Variants in GSTCD observed in about 807,000 individuals in gnomAD.
GSTCD encodes the protein glutathione S-transferase C-terminal domain containing.
Under a neutral mutation model 68.3 loss-of-function variants are expected in GSTCD, and 44 were observed. The ratio of observed to expected loss-of-function variants is 0.64; its 90% CI spans 0.51 to 0.83. The LOEUF (loss-of-function observed/expected upper bound fraction) is 0.83. GSTCD is among the 40% of genes least tolerant of loss of function. GSTCD has a pLI of 0.00. For synonymous variants in GSTCD, 273 were observed against 255.2 expected (o/e 1.07, Z -0.67); for missense variants, 739 against 735.9 (o/e 1.00, Z -0.05).
At chr4:105,774,313 A>G (rs1734970650) in intron 5 of GSTCD, among the ~76,000 whole-genome samples, 1 of 152,116 alleles carries the variant, frequency 6.6e-6, no homozygotes, top group African/African-American at 2.4e-5. Context: ...TCAATTTGCC[A>G]GTCTGTGTCT....
chr4:105,786,470 G>A (rs1735469944), intron 5 of GSTCD, among the ~76,000 whole-genome samples: 1 of 150,710 alleles, frequency 6.6e-6, no homozygotes, highest in Non-Finnish European at 1.5e-5. Flanking sequence ...CGCAGACTGC[G>A]CGCCACTGCA....
chr4:105,746,125 C>A (rs546511000), intron 5 of GSTCD: 1 of 152,116 alleles, frequency 6.6e-6, no homozygotes. Flanking sequence ...TCCCCAAAAA[C>A]TTAATAGCCT....
chr4:105,742,879 T>C (rs1031583781), intron 5 of GSTCD, among the ~76,000 whole-genome samples: 2 of 151,916 alleles, frequency 1.3e-5, no homozygotes, highest in Non-Finnish European at 2.9e-5. Context: ...CATACCTGGC[T>C]AATTTTTTAG....
chr4:105,759,093 G>C (rs555669643), intron 5 of GSTCD, among the ~76,000 whole-genome samples: 1 of 152,044 alleles, frequency 6.6e-6, no homozygotes, highest in East Asian at 1.9e-4. Context: ...ACATTTCACA[G>C]GTTTTGTGTT....
chr4:105,735,300 C>T (rs1468759891), intron 5 of GSTCD, among the ~76,000 whole-genome samples: 2 of 152,158 alleles, frequency 1.3e-5, no homozygotes, highest in African/African-American at 2.4e-5. Context: ...AGGCAGGCCT[C>T]CTTGAGCTGC....
intron 5 of GSTCD, among the ~76,000 whole-genome samples, chr4:105,814,170 T>A (rs1722871452): frequency 1.3e-5 from 2 of 152,200 alleles, no homozygotes; most frequent in African/African-American, 2.4e-5. Context: ...TGGTATAGTT[T>A]GAGTATAGTC....
chr4:105,769,446 G>A (rs1482389614), intron 5 of GSTCD, among the ~76,000 whole-genome samples: 3 of 152,018 alleles, frequency 2.0e-5, no homozygotes, highest in East Asian at 3.9e-4. Flanking sequence ...TGGAAGATGT[G>A]GTTTATGATC....
At chr4:105,716,407 G>A (rs1382857512) in intron 1 of GSTCD, among the ~76,000 whole-genome samples, 1 of 152,174 alleles carries the variant, frequency 6.6e-6, no homozygotes, top group East Asian at 1.9e-4. Flanking sequence ...AATGTACCTA[G>A]TGTTTTAGCA....
intron 5 of GSTCD, chr4:105,815,316 CAGAAAAG>C (rs755166723): frequency 2.0e-5 from 3 of 151,932 alleles, no homozygotes; most frequent in Non-Finnish European, 4.4e-5. Flanking sequence ...TGGAAGCTGC[CAGAAAAG>C]AGCACCATGT....
intron 11 of GSTCD, among the ~76,000 whole-genome samples, chr4:105,844,368 C>A (rs11733223): frequency 0.054 from 8,283 of 152,228 alleles, 255 homozygotes; most frequent in Middle Eastern, 0.13. Flanking sequence ...CATTTCTAAC[C>A]CAGTTTATTC....
At chr4:105,724,001 C>T (rs1014617559) in intron 3 of GSTCD, among the ~76,000 whole-genome samples, 1 of 151,734 alleles carries the variant, frequency 6.6e-6, no homozygotes. Flanking sequence ...ATTACTTGTG[C>T]TCATTTAATC....
intron 5 of GSTCD, among the ~76,000 whole-genome samples, chr4:105,785,709 C>T (rs1224107762): frequency 6.6e-6 from 1 of 151,990 alleles, no homozygotes; most frequent in Non-Finnish European, 1.5e-5. Context: ...ATGTATTCTC[C>T]CTAAAATCAG....
chr4:105,811,728 C>T (rs546605331), intron 5 of GSTCD, among the ~76,000 whole-genome samples: 1 of 151,818 alleles, frequency 6.6e-6, no homozygotes, highest in East Asian at 1.9e-4. Context: ...AGTGGGGGAA[C>T]CAATGAAGAC....
intron 8 of GSTCD, among the ~76,000 whole-genome samples, chr4:105,829,743 C>A (rs1723819423): frequency 6.6e-6 from 1 of 151,912 alleles, no homozygotes; most frequent in Non-Finnish European, 1.5e-5. Flanking sequence ...CAAACCATAT[C>A]AAGACCAAAG....
At chr4:105,843,687 C>T (rs1418902367) in intron 11 of GSTCD, 2 of 152,294 alleles carry the variant, frequency 1.3e-5, no homozygotes, top group South Asian at 2.1e-4. Context: ...ATTCACTCCA[C>T]CCTCTTGGCC....
chr4:105,723,259 G>C (rs551446553), intron 3 of GSTCD, among the ~76,000 whole-genome samples: 1 of 151,864 alleles, frequency 6.6e-6, no homozygotes, highest in South Asian at 2.1e-4. Context: ...TAAACTTTTT[G>C]GCTCTCAGGG....
At position 105,799,487 on chromosome 4, in the gene GSTCD, T is replaced by C. The variant is rs530970767; in HGVS notation, c.1241-23467T>C. Among the ~76,000 whole-genome samples, 10 of 152,240 alleles carry C rather than the reference T, an allele frequency of 6.6e-5. No homozygotes were observed. The South Asian group carries it at 1.5e-3, about 22-fold the overall frequency. On this transcript the variant is annotated intron_variant, in intron 5 of 11. Transcript: ENST00000515279. ...ACACTTAGGGTCATTGTAGGGCTAT[T>C]AATTGGCCTAATTCCAGTATTTTTG...
At chr4:105,794,701 A>C (rs1295388588) in intron 5 of GSTCD, among the ~76,000 whole-genome samples, 1 of 151,640 alleles carries the variant, frequency 6.6e-6, no homozygotes, top group Non-Finnish European at 1.5e-5. Context: ...ACATATCCTC[A>C]CCAAGAAAGT....
chr4:105,725,746 A>G (rs1733009244), intron 3 of GSTCD, among the ~76,000 whole-genome samples: 1 of 152,144 alleles, frequency 6.6e-6, no homozygotes, highest in African/African-American at 2.4e-5. Context: ...ACACATCACT[A>G]AAGAAGATAC....
Sources: gnomAD v4.1 joint callset for allele counts (sites outside exome capture counted in the v4.1 genomes callset) on GRCh38, gnomAD v4.1.1 for gene constraint, MANE v1.5 for transcripts, NCBI Gene and HGNC (gene_info 2026-07-23, HGNC 2026-07-21) for gene names.